Variants in SGCZ observed in about 807,000 individuals in gnomAD.
SGCZ encodes zeta-sarcoglycan.
In SGCZ, 40 loss-of-function variants were observed where a neutral mutation model predicts 41.3. The observed-to-expected ratio is 0.97, with a 90% CI of 0.75 to 1.26. SGCZ has a LOEUF of 1.26. SGCZ is among the 50% of genes most tolerant of loss of function. The pLI is 0.00. For missense variants in SGCZ, 552 were observed against 369.8 expected, an observed-to-expected ratio of 1.49 and a Z score of -4.04; for synonymous variants, 206 against 137.5, an observed-to-expected ratio of 1.50 and a Z score of -3.49.
intron 1 of SGCZ, among the ~76,000 whole-genome samples, chr8:15,078,176 T>G (rs912841041): frequency 3.6e-5 from 5 of 137,194 alleles, no homozygotes; most frequent in Admixed American, 7.1e-5. Flanking sequence ...TTTTTTTTTT[T>G]GCGTAATGAA....
At chr8:14,805,705 G>A (rs1377892001) in intron 1 of SGCZ, among the ~76,000 whole-genome samples, 1 of 151,866 alleles carries the variant, frequency 6.6e-6, no homozygotes, top group Non-Finnish European at 1.5e-5. Context: ...CCCAGGAATT[G>A]AACTCAGCTC....
chr8:15,108,737 A>G (rs1185453860), intron 1 of SGCZ, among the ~76,000 whole-genome samples: 1 of 152,102 alleles, frequency 6.6e-6, no homozygotes, highest in African/African-American at 2.4e-5. Flanking sequence ...ATGAATAGAA[A>G]TCATTATTAA....
At chr8:15,237,227 G>T (rs965887458) in intron 1 of SGCZ, among the ~76,000 whole-genome samples, 1 of 150,804 alleles carries the variant, frequency 6.6e-6, no homozygotes, top group Non-Finnish European at 1.5e-5. Context: ...GAAAGCAGGC[G>T]ACAGCGGGCA....
At chr8:14,234,881 G>A (rs568340080) in intron 4 of SGCZ, among the ~76,000 whole-genome samples, 5 of 152,168 alleles carry the variant, frequency 3.3e-5, no homozygotes, top group African/African-American at 9.6e-5. Context: ...GTTTTGTAAC[G>A]TATCTCTCAA....
At chr8:14,113,440 T>C (rs1232530298) in intron 5 of SGCZ, among the ~76,000 whole-genome samples, 1 of 152,108 alleles carries the variant, frequency 6.6e-6, no homozygotes, top group Non-Finnish European at 1.5e-5. Flanking sequence ...AAATTGAAGA[T>C]ACATTCCTTA....
At chr8:14,276,125 T>C (rs1204750428) in intron 3 of SGCZ, among the ~76,000 whole-genome samples, 1 of 152,086 alleles carries the variant, frequency 6.6e-6, no homozygotes, top group Non-Finnish European at 1.5e-5. Context: ...CTCTAAACAT[T>C]CTCTAAAATT....
chr8:14,580,098 G>C (rs1201562746), intron 1 of SGCZ, among the ~76,000 whole-genome samples: 5 of 152,126 alleles, frequency 3.3e-5, no homozygotes, highest in Non-Finnish European at 7.4e-5. Context: ...TGAAGGAAAG[G>C]TCCCGGAGAA....
intron 1 of SGCZ, among the ~76,000 whole-genome samples, chr8:15,028,481 A>G (rs189093735): frequency 1.4e-5 from 2 of 148,126 alleles, no homozygotes; most frequent in African/African-American, 5.0e-5. Flanking sequence ...GTCTAAGTTG[A>G]AGTCAGTTTC....
chr8:14,404,283 A>C (rs187531992), intron 2 of SGCZ, among the ~76,000 whole-genome samples: 2 of 152,292 alleles, frequency 1.3e-5, no homozygotes, highest in Admixed American at 6.5e-5. Flanking sequence ...GAAAATCTTT[A>C]AGGATTATAT....
chr8:14,309,520 T>G, intron 3 of SGCZ: 1 of 1,609,748 alleles, frequency 6.2e-7, no homozygotes, highest in Non-Finnish European at 8.5e-7. Flanking sequence ...CAGTGTGGAC[T>G]ACTGAATGTG....
At chr8:14,250,046 T>C (rs907009466) in intron 3 of SGCZ, among the ~76,000 whole-genome samples, 2 of 152,202 alleles carry the variant, frequency 1.3e-5, no homozygotes, top group African/African-American at 4.8e-5. Context: ...TATTTCTAAA[T>C]GAAGACCTGA....
At chr8:14,756,483 C>T (rs757457399) in intron 1 of SGCZ, among the ~76,000 whole-genome samples, 1 of 152,140 alleles carries the variant, frequency 6.6e-6, no homozygotes, top group South Asian at 2.1e-4. Flanking sequence ...CCACGCCCAG[C>T]GGGAAGTAAC....
chr8:14,442,724 ATCT>A (rs1320803157), intron 2 of SGCZ, among the ~76,000 whole-genome samples: 2 of 152,178 alleles, frequency 1.3e-5, no homozygotes, highest in Non-Finnish European at 2.9e-5. Flanking sequence ...TTTCTCCAAC[ATCT>A]TCTGATTTGT....
intron 3 of SGCZ, among the ~76,000 whole-genome samples, chr8:14,295,243 G>C (rs73529482): frequency 1.3e-5 from 2 of 152,168 alleles, no homozygotes; most frequent in African/African-American, 2.4e-5. Context: ...GCAGTGGGTT[G>C]CTATTCACCC....
chr8:14,841,724 A>G (rs1447148377), intron 1 of SGCZ, among the ~76,000 whole-genome samples: 3 of 152,206 alleles, frequency 2.0e-5, no homozygotes, highest in African/African-American at 4.8e-5. Flanking sequence ...CAAGTAATCA[A>G]TATGTTTTCT....
At position 15,230,649 on chromosome 8, in the gene SGCZ, C is replaced by T. The variant is rs116744646; in HGVS notation, c.39+6936G>A. 2.9e-3 allele frequency among the ~76,000 whole-genome samples: 448 copies of T among 152,230 alleles called. 1 individual carries two copies. Among genetic ancestry groups the T allele is most frequent in the African/African-American group, 0.01 (435 of 41,546 alleles). ...AGACTCTGAGCCCTGGAAGACAATT[C>T]GAGATCAACTGGTTGTGAGGTTTTT... On this transcript the variant is annotated intron_variant, in intron 1 of 7. Transcript: ENST00000382080.
intron 3 of SGCZ, among the ~76,000 whole-genome samples, chr8:14,271,275 C>G (rs1227135159): frequency 6.6e-6 from 1 of 151,450 alleles, no homozygotes; most frequent in Admixed American, 6.6e-5. Context: ...GAATCGTGTT[C>G]TTTAGAAATT....
chr8:14,176,521 C>A (rs1469396727), intron 4 of SGCZ, among the ~76,000 whole-genome samples: 1 of 152,080 alleles, frequency 6.6e-6, no homozygotes, highest in Non-Finnish European at 1.5e-5. Flanking sequence ...AAATGTATGT[C>A]CTCAAATGAC....
chr8:14,203,258 A>G lies in SGCZ; in HGVS notation c.424+34334T>C, dbSNP rs1805514472. 4.6e-5 allele frequency among the ~76,000 whole-genome samples: 7 copies of G among 152,232 alleles called. 1 individual carries two copies. Among genetic ancestry groups the G allele is most frequent in the Admixed American group, 4.6e-4 (7 of 15,282 alleles). ...CTTTCAATCTATAAAGACACATTAAATAGATGCTATTTGAATATTAAACAA... is the reference window on the plus strand; with the variant it reads ...CTTTCAATCTATAAAGACACATTAAGTAGATGCTATTTGAATATTAAACAA... On this transcript the variant is annotated intron_variant, in intron 4 of 7. Transcript: ENST00000382080.
Sources: gnomAD v4.1 joint callset for allele counts (sites outside exome capture counted in the v4.1 genomes callset) on GRCh38, gnomAD v4.1.1 for gene constraint, MANE v1.5 for transcripts, NCBI Gene and HGNC (gene_info 2026-07-23, HGNC 2026-07-21) for gene names.